CNBD1: variants seen among roughly 807,000 people sequenced by gnomAD.
The protein encoded by CNBD1 is cyclic nucleotide binding domain containing 1, also known as cyclic nucleotide-binding domain-containing protein 1.
A neutral mutation model predicts 54.4 loss-of-function variants in CNBD1; 71 were observed. That is an observed-to-expected ratio of 1.30 (90% CI 1.08 to 1.59). The LOEUF is 1.59. Among genes scored for constraint, CNBD1 ranks in the 40% most tolerant of loss-of-function variants. The pLI is 0.00. For missense variants in CNBD1, 659 were observed against 518.0 expected (o/e 1.27, Z -2.64); for synonymous variants, 182 against 170.7 (o/e 1.07, Z -0.51).
At chr8:87,151,715 G>A (rs1812608212) in intron 4 of CNBD1, among the ~76,000 whole-genome samples, 2 of 151,794 alleles carry the variant, frequency 1.3e-5, no homozygotes, top group Non-Finnish European at 2.9e-5. Context: ...CCATTAATTT[G>A]CAAATTAACT....
intron 4 of CNBD1, among the ~76,000 whole-genome samples, chr8:87,065,747 C>T (rs969752535): frequency 6.6e-6 from 1 of 151,886 alleles, no homozygotes; most frequent in Non-Finnish European, 1.5e-5. Flanking sequence ...TATGTTTTGT[C>T]CAAGTCTTGA....
At chr8:86,958,954 T>A (rs1807854259) in intron 4 of CNBD1, among the ~76,000 whole-genome samples, 1 of 152,222 alleles carries the variant, frequency 6.6e-6, no homozygotes, top group Non-Finnish European at 1.5e-5. Flanking sequence ...CAATGGTCTT[T>A]ACAATTTGGC....
chr8:87,338,622 T>TTG (rs1456763984), intron 8 of CNBD1, among the ~76,000 whole-genome samples: 6 of 151,774 alleles, frequency 4.0e-5, no homozygotes, highest in Non-Finnish European at 8.8e-5. Flanking sequence ...TTTCTTTGTT[T>TTG]TTTTTTTTCT....
intron 6 of CNBD1, among the ~76,000 whole-genome samples, chr8:87,269,226 G>A (rs1016758076): frequency 2.0e-5 from 3 of 151,922 alleles, no homozygotes; most frequent in African/African-American, 7.2e-5. Context: ...AAGGATGGTG[G>A]CTGTAGGTAT....
intron 4 of CNBD1, among the ~76,000 whole-genome samples, chr8:87,087,121 C>T (rs1480799222): frequency 1.4e-5 from 2 of 145,156 alleles, no homozygotes; most frequent in East Asian, 4.1e-4. Flanking sequence ...GCAGTTAATT[C>T]AACTTCCTGA....
chr8:87,157,598 T>C, intron 4 of CNBD1, among the ~76,000 whole-genome samples: 1 of 152,152 alleles, frequency 6.6e-6, no homozygotes, highest in East Asian at 1.9e-4. Context: ...ACATTTATGT[T>C]CCTCCTTCTG....
rs965644555 is a variant in CNBD1, at chr8:86,966,616, T to C, written c.431+26862T>C. ...TTCATCGTCTCACTGGCTTCAGGAC[T>C]GAAGCTGCAGACCTTTGCGGTGAGT... is the stretch of plus-strand genomic sequence containing the variant. On this transcript the variant is annotated intron_variant, in intron 4 of 10. Transcript: ENST00000518476. Among the ~76,000 whole-genome samples the C allele has an allele frequency of 2.6e-5, 4 of 152,188 alleles. No individual in the cohort carries two copies. The East Asian group carries it at 7.7e-4, about 29-fold the overall frequency.
chr8:87,276,080 A>T (rs1446530668), intron 6 of CNBD1, among the ~76,000 whole-genome samples: 1 of 151,938 alleles, frequency 6.6e-6, no homozygotes, highest in African/African-American at 2.4e-5. Flanking sequence ...TCACAGTAGG[A>T]ATCAATGGTA....
chr8:87,370,796 C>G (rs62526820), intron 10 of CNBD1, among the ~76,000 whole-genome samples: 7,138 of 149,066 alleles, frequency 0.048, 220 homozygotes, highest in Non-Finnish European at 0.06. Context: ...ACATGAAGTC[C>G]TTGCCCATGC....
At chr8:87,123,311 A>G (rs2130718020) in intron 4 of CNBD1, among the ~76,000 whole-genome samples, 1 of 151,914 alleles carries the variant, frequency 6.6e-6, no homozygotes, top group East Asian at 1.9e-4. Flanking sequence ...AAGTATTTAA[A>G]TTATATCAAG....
intron 4 of CNBD1, among the ~76,000 whole-genome samples, chr8:87,101,279 C>G (rs368490862): frequency 5.9e-5 from 9 of 151,886 alleles, no homozygotes; most frequent in African/African-American, 1.9e-4. Context: ...CTTCAAAAAC[C>G]AAAGGAAAAA....
intron 10 of CNBD1, among the ~76,000 whole-genome samples, chr8:87,368,097 G>C (rs1810680210): frequency 6.6e-6 from 1 of 151,670 alleles, no homozygotes; most frequent in East Asian, 1.9e-4. Flanking sequence ...AGGAGGTGGA[G>C]GTTGCAGTGA....
At chr8:87,222,763 GATTA>G (rs951035469) in intron 5 of CNBD1, among the ~76,000 whole-genome samples, 4 of 152,034 alleles carry the variant, frequency 2.6e-5, no homozygotes, top group East Asian at 3.9e-4. Context: ...CTATCAAAAT[GATTA>G]ATTAAACTTT....
At chr8:87,327,673 C>A (rs945734349) in intron 8 of CNBD1, among the ~76,000 whole-genome samples, 1 of 152,164 alleles carries the variant, frequency 6.6e-6, no homozygotes, top group Non-Finnish European at 1.5e-5. Context: ...GTGCCCGGTG[C>A]GCACACCCAC....
At chr8:87,208,025 C>A (rs754639431) in intron 5 of CNBD1, among the ~76,000 whole-genome samples, 1 of 152,090 alleles carries the variant, frequency 6.6e-6, no homozygotes, top group African/African-American at 2.4e-5. Flanking sequence ...AGGTGTCTGT[C>A]TCTCTCCTTT....
chr8:87,390,652 A>G (rs190038936), intron 2 of CNBD1, among the ~76,000 whole-genome samples: 479 of 152,274 alleles, frequency 3.1e-3, no homozygotes, highest in African/African-American at 0.011. Flanking sequence ...GGGACTATAA[A>G]CTAGTTCAAC....
intron 5 of CNBD1, among the ~76,000 whole-genome samples, chr8:87,229,534 A>G (rs1399979866): frequency 1.3e-5 from 2 of 152,098 alleles, no homozygotes; most frequent in Admixed American, 6.5e-5. Flanking sequence ...AGACAATTTT[A>G]TAGTATTTTA....
intron 4 of CNBD1, among the ~76,000 whole-genome samples, chr8:86,973,415 T>C (rs184088553): frequency 6.6e-6 from 1 of 152,354 alleles, no homozygotes; most frequent in African/African-American, 2.4e-5. Flanking sequence ...GTTGTACTTT[T>C]GTTATTAAAC....
intron 4 of CNBD1, among the ~76,000 whole-genome samples, chr8:87,172,839 A>AT (rs900114995): frequency 5.3e-5 from 8 of 151,908 alleles, no homozygotes; most frequent in Non-Finnish European, 1.0e-4. Flanking sequence ...CATTCTATGT[A>AT]TTTTTATTAG....
Sources: gnomAD v4.1 joint callset for allele counts (sites outside exome capture counted in the v4.1 genomes callset) on GRCh38, gnomAD v4.1.1 for gene constraint, MANE v1.5 for transcripts, NCBI Gene and HGNC (gene_info 2026-07-23, HGNC 2026-07-21) for gene names.